CAPN14: variants seen among roughly 807,000 people sequenced by gnomAD.
CAPN14 encodes calpain 14.
In CAPN14, 94 loss-of-function variants were observed where a neutral mutation model predicts 101.3. The observed-to-expected ratio is 0.93, with a 90% confidence interval of 0.79 to 1.10. CAPN14 has a LOEUF of 1.10. CAPN14 is among the 50% of genes least tolerant of loss of function. The probability of loss-of-function intolerance (pLI) is 0.00; values close to 1 mark genes in which losing one functional copy is unlikely to be tolerated. For synonymous variants in CAPN14, 338 were observed against 317.9 expected, an observed-to-expected ratio of 1.06 and a Z score of -0.67; for missense variants, 837 against 828.4, an observed-to-expected ratio of 1.01 and a Z score of -0.13.
intron 1 of CAPN14, among the ~76,000 whole-genome samples, chr2:31,215,979 C>A (rs1359843633): frequency 6.6e-6 from 1 of 151,802 alleles, no homozygotes; most frequent in Non-Finnish European, 1.5e-5. Flanking sequence ...AAGACATGTA[C>A]AAGAATACTC....
chr2:31,231,688 T>A (rs1435771523), intron 1 of CAPN14, among the ~76,000 whole-genome samples: 1 of 152,192 alleles, frequency 6.6e-6, no homozygotes, highest in Non-Finnish European at 1.5e-5. Context: ...CCGTACTGAT[T>A]ACAAAATTCT....
chr2:31,187,309 C>A (rs202223466), intron 15 of CAPN14, among the ~76,000 whole-genome samples: 115 of 152,200 alleles, frequency 7.6e-4, no homozygotes, highest in South Asian at 2.1e-3. Flanking sequence ...AGGCCCTCCC[C>A]CTTCTTATCA....
At chr2:31,177,665 G>T in intron 19 of CAPN14, 81 bp downstream of exon 19, 1 of 1,008,604 alleles carries the variant, frequency 9.9e-7, no homozygotes, top group East Asian at 2.6e-5. Flanking sequence ...ACTTCAGCAT[G>T]CCACACATCC....
chr2:31,192,901 C>T (rs1353887288), intron 10 of CAPN14, among the ~76,000 whole-genome samples: 1 of 152,140 alleles, frequency 6.6e-6, no homozygotes, highest in African/African-American at 2.4e-5. Flanking sequence ...AGATGCAGCC[C>T]CACAGGCTGG....
chr2:31,181,120 T>A, intron 16 of CAPN14, 120 bp from the exon 17 acceptor site: 10 of 739,284 alleles, frequency 1.4e-5, no homozygotes, highest in Non-Finnish European at 2.1e-5. Flanking sequence ...GTACGTGGGC[T>A]GGGAAGAGTG....
intron 1 of CAPN14, among the ~76,000 whole-genome samples, chr2:31,229,086 A>G (rs1285182077): frequency 6.6e-6 from 1 of 152,114 alleles, no homozygotes; most frequent in Non-Finnish European, 1.5e-5. Flanking sequence ...AAAACACTAA[A>G]CTTCAACAAT....
At position 31,173,394 on chromosome 2, in the gene CAPN14, T is replaced by A. The variant is rs1680140098; in HGVS notation, c.*1287A>T. 1 of 152,228 alleles carries A rather than the reference T, an allele frequency of 6.6e-6. No individual in the cohort carries two copies. Among genetic ancestry groups the A allele is most frequent in the Non-Finnish European group, 1.5e-5 (1 of 68,040 alleles). The allele number at this position is 152,228 out of a possible 1,614,324, so 9.4% of individuals were successfully genotyped here. A position where few individuals can be genotyped will look rare whatever the true frequency, so the allele number is the denominator to read the frequency against. On this transcript the variant is annotated 3_prime_UTR_variant, in exon 22 of 22. Transcript: ENST00000403897. The stretch of plus-strand genomic sequence containing the variant: ...TCCTCTGCCAATGGACACACTTTTA[T>A]CTCTTCATTCAGCTTCCTTCCTGAG...
chr2:31,213,410 C>A (rs1323779651), intron 1 of CAPN14, among the ~76,000 whole-genome samples: 1 of 152,234 alleles, frequency 6.6e-6, no homozygotes, highest in Non-Finnish European at 1.5e-5. Context: ...TGGCTGCTTT[C>A]GCATTACAAC....
At chr2:31,209,032 C>T (rs1043532722) in intron 1 of CAPN14, among the ~76,000 whole-genome samples, 2 of 152,018 alleles carry the variant, frequency 1.3e-5, no homozygotes, top group Non-Finnish European at 2.9e-5. Context: ...TGCAAGGACA[C>T]GATCACAGCT....
At chr2:31,191,144 A>G (rs572577891) in intron 12 of CAPN14, among the ~76,000 whole-genome samples, 1 of 152,144 alleles carries the variant, frequency 6.6e-6, no homozygotes, top group African/African-American at 2.4e-5. Context: ...TCTAAAATGT[A>G]TTGGTTCTCT....
At position 31,177,758 on chromosome 2, in the gene CAPN14, T is replaced by C. The variant is rs796541499; in HGVS notation, c.1843A>G (p.Met615Val). ...TTCCTGTGCCTACCTGCCTCCCTCATGGCAGCGTGCAGCTGCTCCCAGTTC... is the reference window on the plus strand; with the variant it reads ...TTCCTGTGCCTACCTGCCTCCCTCACGGCAGCGTGCAGCTGCTCCCAGTTC... ...YLNWEQLHAA[M>V]REAGIMLSDD... The change falls in exon 19 of 22, where the codon ATG becomes GTG. Residue 615 changes from methionine to valine, a missense_variant. Transcript: ENST00000403897. 7 of 1,551,822 alleles carry C rather than the reference T, an allele frequency of 4.5e-6. No homozygotes were observed. Among genetic ancestry groups the C allele is most frequent in the Non-Finnish European group, 6.1e-6 (7 of 1,146,882 alleles).
rs1243114091 is a variant in CAPN14, at chr2:31,176,581, T to C, written c.2028+6A>G. 2 of 1,551,278 alleles carry C rather than the reference T, an allele frequency of 1.3e-6. No homozygotes were observed. The highest frequency in any genetic ancestry group is 1.7e-6 in the Non-Finnish European group (2 of 1,146,700). On this transcript the variant is annotated splice_donor_region_variant and intron_variant, in intron 21 of 21. Coordinates refer to ENST00000403897, the MANE Select transcript of CAPN14 (RefSeq NM_001145122.2). ...ACATGAGCCACCTCCTTGGGGCAAGTCTTACCTCTGGCTTCTGGAGGTATA... is the reference window on the plus strand; with the variant it reads ...ACATGAGCCACCTCCTTGGGGCAAGCCTTACCTCTGGCTTCTGGAGGTATA...
At chr2:31,189,605 G>A in intron 12 of CAPN14, 127 bp from the exon 13 acceptor site, 3 of 760,086 alleles carry the variant, frequency 3.9e-6, no homozygotes, top group Non-Finnish European at 6.9e-6. Flanking sequence ...ATAGGCCCCA[G>A]TGGAGGATGA....
At chr2:31,209,068 T>TA (rs71405553) in intron 1 of CAPN14, among the ~76,000 whole-genome samples, 1 of 151,804 alleles carries the variant, frequency 6.6e-6, no homozygotes, top group African/African-American at 2.4e-5. Context: ...CTCCTGGGCT[T>TA]AAGGGATCCT....
intron 1 of CAPN14, among the ~76,000 whole-genome samples, chr2:31,212,522 G>C (rs1682454785): frequency 6.6e-6 from 1 of 152,108 alleles, no homozygotes; most frequent in African/African-American, 2.4e-5. Context: ...TTCTTTGGTG[G>C]TGGCTACTTT....
chr2:31,210,232 A>G (rs1822500), intron 1 of CAPN14, among the ~76,000 whole-genome samples: 118,182 of 151,998 alleles, frequency 0.78, 46,279 homozygotes, highest in East Asian at 1. Flanking sequence ...TCACGAGGTC[A>G]AGAGATCAAG....
At chr2:31,184,874 A>C (rs1320852334) in intron 16 of CAPN14, among the ~76,000 whole-genome samples, 1 of 152,234 alleles carries the variant, frequency 6.6e-6, no homozygotes, top group African/African-American at 2.4e-5. Context: ...AACTTGAAAC[A>C]ATTAGTTCAT....
intron 17 of CAPN14, among the ~76,000 whole-genome samples, chr2:31,179,370 T>G (rs1680479535): frequency 6.6e-6 from 1 of 152,148 alleles, no homozygotes; most frequent in Admixed American, 6.5e-5. Flanking sequence ...GGTTTCAAGC[T>G]GCATCCATGT....
rs190695828 is a variant in CAPN14 at position 31,203,504 on chromosome 2, C to T, written c.226-365G>A. Among the ~76,000 whole-genome samples, 134 of 152,288 alleles carry T rather than the reference C, an allele frequency of 8.8e-4. No individual in the cohort carries two copies. In the East Asian group the frequency reaches 0.014, roughly 16 times the overall value. On this transcript the variant is annotated intron_variant, in intron 2 of 21. Transcript: ENST00000403897. ...GCTTTTTTCTCCCCTATTCCTCCTT[C>T]TTATTCCTGACCCCTAATATGATGT...
Sources: allele counts gnomAD v4.1 joint callset (sites outside exome capture counted in the v4.1 genomes callset), GRCh38; gene constraint gnomAD v4.1.1; transcripts MANE v1.5; gene names NCBI Gene and HGNC (gene_info 2026-07-23, HGNC 2026-07-21).